The following LRIG2 variants were observed in gnomAD, a reference collection of about 807,000 sequenced individuals.
The protein encoded by LRIG2 is leucine rich repeats and immunoglobulin like domains 2.
Under a neutral mutation model 107.8 loss-of-function variants are expected in LRIG2, and 93 were observed. The observed-to-expected ratio is 0.86, with a 90% CI of 0.73 to 1.03. LRIG2 has a LOEUF of 1.03. Among genes scored for constraint, LRIG2 ranks in the 50% least tolerant of loss-of-function variants. The probability of loss-of-function intolerance (pLI) is 0.00; values close to 1 mark genes in which losing one functional copy is unlikely to be tolerated. For missense variants in LRIG2, 1,226 were observed against 1,296.0 expected (o/e 0.95, Z 0.83); for synonymous variants, 471 against 470.6 (o/e 1.00, Z -0.01).
intron 14 of LRIG2, among the ~76,000 whole-genome samples, chr1:113,113,419 A>G (rs1016048665): frequency 1.7e-4 from 26 of 151,120 alleles, no homozygotes; most frequent in Non-Finnish European, 2.9e-4. Context: ...ATCCAGGGTA[A>G]ATTCTACTTT....
intron 13 of LRIG2, 48 bp downstream of exon 13, chr1:113,110,610 A>T: frequency 7.3e-7 from 1 of 1,372,210 alleles, no homozygotes; most frequent in Non-Finnish European, 1.0e-6. Context: ...AGGATTTTTC[A>T]TGTTCAGTTT....
rs780877821 is a variant in LRIG2, at chr1:113,119,248, G to C, written c.2696G>C (p.Arg899Pro). The change falls in exon 17 of 18, where the codon CGG becomes CCG. Residue 899 changes from arginine to proline, a missense_variant. Physicochemically the swap from Arg to Pro is moderately radical, Grantham distance 103. Around this residue, in one of 3 missense-constraint regions of LRIG2, gnomAD observed 642 missense variants for 712.2 expected, o/e 0.90. Transcript: ENST00000361127. ...HKGTDGGTGTRVICSDCYDNA... is the reference protein window; with the variant it reads ...HKGTDGGTGTPVICSDCYDNA... ...TTGTTATTAGGTGGCACTGGTACCC[G>C]GGTGATTTGCTCAGATTGTTATGAC... 1 of 1,609,864 alleles carries C rather than the reference G, an allele frequency of 6.2e-7. No homozygotes were observed. The highest frequency in any genetic ancestry group is 8.5e-7 in the Non-Finnish European group (1 of 1,176,530).
intron 1 of LRIG2, among the ~76,000 whole-genome samples, chr1:113,080,019 ATTTTTT>A (rs35584269): frequency 9.8e-5 from 11 of 112,608 alleles, no homozygotes; most frequent in Non-Finnish European, 1.3e-4. Context: ...CCTGGCCCGA[ATTTTTT>A]TTTTTTTTTT....
intron 13 of LRIG2, among the ~76,000 whole-genome samples, 178 bp downstream of exon 13, chr1:113,110,740 A>T (rs1654739864): frequency 6.6e-6 from 1 of 152,184 alleles, no homozygotes; most frequent in African/African-American, 2.4e-5. Flanking sequence ...CAGTCTGCCC[A>T]CTTATGGTCT....
rs140903751 is a variant in LRIG2, at chr1:113,110,324, T to G, written c.1560T>G (p.Thr520=). The G allele has an allele frequency of 1.2e-4, 194 of 1,613,980 alleles. No homozygotes were observed. The highest frequency in any genetic ancestry group is 1.6e-4 in the Non-Finnish European group (183 of 1,179,966). Residue 520 remains threonine, a synonymous_variant, in exon 13 of 18, where the codon ACT becomes ACG. Transcript: ENST00000361127. ...LRGMNVTLTC[T]AVSSSDSPMS... is the part of the protein sequence containing the mutation. The stretch of plus-strand genomic sequence containing the variant: ...GCATGAATGTGACTCTGACGTGCAC[T>G]GCAGTGAGCAGCAGTGATTCACCCA...
chr1:113,107,674 A>AT lies in LRIG2; in HGVS notation c.1396dup (p.Ser466PhefsTer10), dbSNP rs781283654. Reference sequence around the variant, plus strand: ...TGGTTGGTTGATAATAACTTTCAACATTCTGTGAATGTAAGCTGTGCACAC... The same window carrying AT: ...TGGTTGGTTGATAATAACTTTCAACATTTCTGTGAATGTAAGCTGTGCACAC... On this transcript the variant is annotated frameshift_variant, in exon 12 of 18. Transcript: ENST00000361127. LOFTEE classifies it high-confidence loss of function. 6.2e-7 allele frequency: 1 copy of AT among 1,613,994 alleles called. No homozygotes were observed. Among genetic ancestry groups the AT allele is most frequent in the East Asian group, 2.2e-5 (1 of 44,864 alleles).
At chr1:113,092,954 A>C (rs1318797929) in intron 2 of LRIG2, among the ~76,000 whole-genome samples, 1 of 151,730 alleles carries the variant, frequency 6.6e-6, no homozygotes, top group Non-Finnish European at 1.5e-5. Context: ...GCACCATTGC[A>C]CTCCAGCCTG....
Position 113,098,066 on chromosome 1 carries a change from T to C in LRIG2, c.1092-639T>C, listed in dbSNP as rs899815356. On this transcript the variant is annotated intron_variant, in intron 8 of 17. Transcript: ENST00000361127. ...AATATTTTTAATTATATGGAAATAA[T>C]TCTTTTATCATAACATGATGTGGTA... Among the ~76,000 whole-genome samples the C allele has an allele frequency of 2.0e-5, 3 of 152,318 alleles. No homozygotes were observed. The East Asian group carries it at 5.8e-4, about 29-fold the overall frequency.
chr1:113,098,499 GTTCTTACGTGTTTATTACAGATAT>G (rs1328800755), intron 8 of LRIG2, among the ~76,000 whole-genome samples, 182 bp from the exon 9 acceptor site: 75 of 152,062 alleles, frequency 4.9e-4, no homozygotes, highest in Non-Finnish European at 8.4e-4. Context: ...ATAAGAATCA[GTTCTTACGTGTTTATTACAGATAT>G]TTCTTACGTG....
chr1:113,123,781 G>A (rs1316010951), intron 17 of LRIG2, 94 bp from the exon 18 acceptor site: 8 of 841,420 alleles, frequency 9.5e-6, no homozygotes, highest in South Asian at 6.3e-5. Flanking sequence ...TCCCTATTCA[G>A]GAATATTGAA....
At chr1:113,077,483 T>C (rs1338451524) in intron 1 of LRIG2, among the ~76,000 whole-genome samples, 2 of 152,194 alleles carry the variant, frequency 1.3e-5, no homozygotes, top group Non-Finnish European at 2.9e-5. Flanking sequence ...TGGGAACCAG[T>C]GCTGTACTTG....
chr1:113,118,243 C>G (rs991573000), intron 16 of LRIG2, among the ~76,000 whole-genome samples: 8 of 152,262 alleles, frequency 5.3e-5, no homozygotes, highest in African/African-American at 1.4e-4. Flanking sequence ...GAATAAGTAA[C>G]TCACTCTTTA....
At chr1:113,107,311 T>G (rs1654581718) in intron 11 of LRIG2, among the ~76,000 whole-genome samples, 1 of 152,230 alleles carries the variant, frequency 6.6e-6, no homozygotes, top group Non-Finnish European at 1.5e-5. Context: ...TGCAGATTTT[T>G]TTTTCAATCA....
rs1655524928 is a variant in LRIG2, at chr1:113,127,457, CCTG to C, written c.*3357_*3359del. The C allele has an allele frequency of 1.4e-5, 2 of 147,788 alleles. No homozygotes were observed. Among genetic ancestry groups the C allele is most frequent in the Non-Finnish European group, 3.0e-5 (2 of 67,604 alleles). The allele number at this position is 147,788 out of a possible 1,614,324, so 9.2% of individuals were successfully genotyped here. A position where few individuals can be genotyped will look rare whatever the true frequency, so the allele number is the denominator to read the frequency against. The stretch of plus-strand genomic sequence containing the variant: ...ATGTTGGCCAGGCTGGTCTTGAACT[CCTG>C]ACCTCAGGTGATCTGCTTGCCTTGG... On this transcript the variant is annotated 3_prime_UTR_variant, in exon 18 of 18. Transcript: ENST00000361127.
rs1553232626 is a variant in LRIG2 at position 113,129,320 on chromosome 1, A to AAAAG, written c.*5222_*5223insGAAA. The AAAAG allele has an allele frequency of 1.3e-5, 2 of 151,346 alleles. No individual in the cohort carries two copies. The highest frequency in any genetic ancestry group is 4.9e-5 in the African/African-American group (2 of 41,116). The allele number at this position is 151,346 out of a possible 1,614,324, so 9.4% of individuals were successfully genotyped here. On this transcript the variant is annotated 3_prime_UTR_variant, in exon 18 of 18. Coordinates refer to ENST00000361127, the MANE Select transcript of LRIG2 (RefSeq NM_014813.3). ...GTGAGACTCCGTCTCAAAAAAAAAA[A>AAAAG]AAAAAAAACCCGTGTAGGAGTACTG...
chr1:113,097,481 C>T (rs1324189504), intron 8 of LRIG2, among the ~76,000 whole-genome samples: 1 of 152,060 alleles, frequency 6.6e-6, no homozygotes, highest in Non-Finnish European at 1.5e-5. Context: ...TAAAAAATTC[C>T]TTTAGATTTG....
In LRIG2 at chr1:113,110,410, T is replaced by C. The variant is rs781352676; in HGVS notation, c.1646T>C (p.Val549Ala). The C allele has an allele frequency of 6.2e-7, 1 of 1,614,194 alleles. No homozygotes were observed. Among genetic ancestry groups the C allele is most frequent in the Non-Finnish European group, 8.5e-7 (1 of 1,180,038 alleles). ...TATGACGTGGATACTGAGAATTTTG[T>C]TCGTTATTGGCAGCAAGCTGGAGAA... is the stretch of plus-strand genomic sequence containing the variant. The part of the protein sequence containing the change: ...ILYDVDTENF[V>A]RYWQQAGEAL... Residue 549 changes from valine (V) to alanine (A), a missense_variant, in exon 13 of 18, where the codon GTT becomes GCT. Coordinates refer to ENST00000361127, the MANE Select transcript of LRIG2 (RefSeq NM_014813.3).
chr1:113,093,504 G>A lies in LRIG2; in HGVS notation c.455G>A (p.Ser152Asn), dbSNP rs1653915183. Residue 152 changes from serine (S) to asparagine (N), a missense_variant, in exon 4 of 18, where the codon AGC becomes AAC. By Grantham distance (46) the Ser-to-Asn change is conservative. This residue lies in a region of LRIG2 where 570 missense variants were observed against 550.2 expected (regional missense o/e 1.04). Transcript: ENST00000361127. ...CCTGCTCTGGAGAGTTTAGACCTCA[G>A]CTCAAATATAATATCAGAAATCAAG... The part of the protein sequence containing the change: ...FYPALESLDL[S>N]SNIISEIKTS... The A allele has an allele frequency of 6.2e-7, 1 of 1,609,736 alleles. No individual in the cohort carries two copies. Among genetic ancestry groups the A allele is most frequent in the African/African-American group, 1.3e-5 (1 of 74,842 alleles).
In LRIG2 at chr1:113,073,206, G is replaced by A. The variant is rs1652765719; in HGVS notation, c.-201G>A. The A allele has an allele frequency of 1.7e-6, 1 of 584,898 alleles. No individual in the cohort carries two copies. The highest frequency in any genetic ancestry group is 3.1e-6 in the Non-Finnish European group (1 of 327,438). The allele number at this position is 584,898 out of a possible 1,614,324, so 36.2% of individuals were successfully genotyped here. A position where few individuals can be genotyped will look rare whatever the true frequency, so the allele number is the denominator to read the frequency against. ...GCGCCGTGGGGAGGGGCGGACGAGA[G>A]GTGTCCGTCAGGCCGTGTGTCCCAG... On this transcript the variant is annotated 5_prime_UTR_variant, in exon 1 of 18. Coordinates refer to ENST00000361127, the MANE Select transcript of LRIG2 (RefSeq NM_014813.3).
Sources: allele counts gnomAD v4.1 joint callset (sites outside exome capture counted in the v4.1 genomes callset), GRCh38; gene constraint gnomAD v4.1.1; regional missense constraint gnomAD v4.1.1; transcripts MANE v1.5; gene names NCBI Gene and HGNC (gene_info 2026-07-23, HGNC 2026-07-21).